PTPRE: variants seen among roughly 807,000 people sequenced by gnomAD.
PTPRE encodes the protein protein tyrosine phosphatase receptor type E.
In PTPRE, 51 loss-of-function variants were observed where a neutral mutation model predicts 102.0. The ratio of observed to expected loss-of-function variants is 0.50; its 90% CI spans 0.40 to 0.63. The LOEUF (loss-of-function observed/expected upper bound fraction) is 0.63. Ranked by LOEUF, PTPRE falls within the 30% of genes least tolerant of loss-of-function variation. The pLI, the probability that PTPRE is intolerant of heterozygous loss-of-function variation, is 0.00. For missense variants in PTPRE, 752 were observed against 915.1 expected, an observed-to-expected ratio of 0.82 and a Z score of 2.30; for synonymous variants, 345 against 348.2, an observed-to-expected ratio of 0.99 and a Z score of 0.10.
intron 2 of PTPRE, among the ~76,000 whole-genome samples, chr10:128,030,344 G>T (rs182211071): frequency 2.2e-4 from 34 of 152,270 alleles, no homozygotes; most frequent in Admixed American, 5.9e-4. Context: ...GGAAGCAGGC[G>T]CAGAGAGGTT....
At chr10:128,036,517 C>A (rs1278753734) in intron 2 of PTPRE, among the ~76,000 whole-genome samples, 1 of 152,156 alleles carries the variant, frequency 6.6e-6, no homozygotes, top group Non-Finnish European at 1.5e-5. Context: ...TAACTGGGAG[C>A]TTATATTATT....
chr10:128,012,522 G>T (rs1366277509), intron 2 of PTPRE, among the ~76,000 whole-genome samples: 1 of 152,186 alleles, frequency 6.6e-6, no homozygotes, highest in Non-Finnish European at 1.5e-5. Context: ...TTGGGAGAGA[G>T]GCTCATGCCA....
chr10:127,935,711 T>C (rs967010839), intron 1 of PTPRE, among the ~76,000 whole-genome samples: 3 of 152,048 alleles, frequency 2.0e-5, no homozygotes, highest in Non-Finnish European at 1.5e-5. Flanking sequence ...CTTTGAACAG[T>C]CCCTCCCTGA....
intron 2 of PTPRE, among the ~76,000 whole-genome samples, chr10:127,997,524 A>T (rs1206600365): frequency 1.3e-5 from 2 of 152,236 alleles, no homozygotes; most frequent in Non-Finnish European, 2.9e-5. Context: ...TGAAAAGCAG[A>T]ATCCTAACAT....
intron 2 of PTPRE, among the ~76,000 whole-genome samples, chr10:127,990,411 C>CAA (rs60034358): frequency 0.053 from 3,434 of 65,240 alleles, 104 homozygotes; most frequent in Non-Finnish European, 0.068. Context: ...GACTCCACCT[C>CAA]AAAAAAAAAA....
chr10:127,940,200 C>A (rs972243820), intron 1 of PTPRE, among the ~76,000 whole-genome samples: 7 of 152,062 alleles, frequency 4.6e-5, no homozygotes, highest in African/African-American at 1.5e-4. Flanking sequence ...GAGGTTCTTG[C>A]CCATCCTATA....
At chr10:127,989,064 T>G (rs10458714) in intron 2 of PTPRE, among the ~76,000 whole-genome samples, 2 of 152,200 alleles carry the variant, frequency 1.3e-5, no homozygotes, top group Non-Finnish European at 2.9e-5. Flanking sequence ...TTAAAAAATA[T>G]GTTGATAGTA....
intron 1 of PTPRE, among the ~76,000 whole-genome samples, chr10:127,921,210 C>G (rs370652777): frequency 2.0e-5 from 3 of 152,258 alleles, no homozygotes; most frequent in African/African-American, 4.8e-5. Context: ...AGATCCTGCT[C>G]TAAGCACTTG....
At position 128,069,498 on chromosome 10, in the gene PTPRE, T is replaced by C. The variant is rs1850571035; in HGVS notation, c.1008-194T>C. On this transcript the variant is annotated intron_variant, in intron 12 of 20. Coordinates refer to ENST00000254667, the MANE Select transcript of PTPRE (RefSeq NM_006504.6). ...CCTCTTAGTAGAGTGTCGGTGGCTA[T>C]CAGAGGACCGGCCTGAGATCACTTT... 3 of 659,286 alleles carry C rather than the reference T, an allele frequency of 4.6e-6. No homozygotes were observed. The Admixed American group carries it at 8.8e-5, about 19-fold the overall frequency. 40.8% of individuals were successfully genotyped at this position (659,286 alleles called of 1,614,324 possible).
chr10:127,989,534 AG>A (rs1278868946), intron 2 of PTPRE, among the ~76,000 whole-genome samples: 1 of 152,226 alleles, frequency 6.6e-6, no homozygotes, highest in Non-Finnish European at 1.5e-5. Flanking sequence ...AGTGAGTTGT[AG>A]GACAGTGGAA....
At chr10:127,972,446 G>A (rs1165947122) in intron 1 of PTPRE, among the ~76,000 whole-genome samples, 2 of 152,308 alleles carry the variant, frequency 1.3e-5, no homozygotes, top group East Asian at 1.9e-4. Context: ...TGTCTAGCAC[G>A]TGCCTCAAGG....
chr10:128,067,377 CAT>C (rs1470122294), intron 11 of PTPRE, among the ~76,000 whole-genome samples: 1 of 130,572 alleles, frequency 7.7e-6, no homozygotes, highest in African/African-American at 3.0e-5. Flanking sequence ...CACATGCACA[CAT>C]TCACACATGT....
chr10:127,970,859 G>A (rs1040821904), intron 1 of PTPRE, among the ~76,000 whole-genome samples: 15 of 151,690 alleles, frequency 9.9e-5, no homozygotes, highest in Admixed American at 4.6e-4. Context: ...CTGGGGAAGG[G>A]TCACTTCATT....
At chr10:128,055,421 T>A (rs1480376458) in intron 6 of PTPRE, among the ~76,000 whole-genome samples, 3 of 152,194 alleles carry the variant, frequency 2.0e-5, no homozygotes, top group African/African-American at 7.2e-5. Context: ...CTGACTTCCC[T>A]GACTGGGACA....
chr10:128,066,912 TCCCA>T (rs1850151203), intron 11 of PTPRE, among the ~76,000 whole-genome samples: 1 of 139,722 alleles, frequency 7.2e-6, no homozygotes, highest in Non-Finnish European at 1.6e-5. Context: ...ACACACATAC[TCCCA>T]CACACAGGCA....
intron 1 of PTPRE, among the ~76,000 whole-genome samples, chr10:127,917,205 G>A (rs1028779525): frequency 4.6e-5 from 7 of 150,822 alleles, no homozygotes; most frequent in African/African-American, 1.5e-4. Flanking sequence ...ATGATGGTGC[G>A]CCCAGGGTGT....
In PTPRE at chr10:127,936,773, G is replaced by A. The variant is rs545856010; in HGVS notation, c.-31+29464G>A. 2.0e-5 allele frequency among the ~76,000 whole-genome samples: 3 copies of A among 152,234 alleles called. No homozygotes were observed. The East Asian group carries it at 5.8e-4, about 29-fold the overall frequency. Reference sequence around the variant, plus strand: ...TTGGAGAGGCTGAAACCCGGGGCTCGTGGATGTTGTGACCCACCCCCCACC... The same window carrying A: ...TTGGAGAGGCTGAAACCCGGGGCTCATGGATGTTGTGACCCACCCCCCACC... On this transcript the variant is annotated intron_variant, in intron 1 of 20. Transcript: ENST00000254667.
chr10:128,070,894 C>T lies in PTPRE; in HGVS notation c.1380C>T (p.Ile460=). Reference sequence around the variant, plus strand: ...TGAAGAAGGCCAGGGTCATCCAGATCATCCCGTGTAAGGCACCCGTGGCGT... The same window carrying T: ...TGAAGAAGGCCAGGGTCATCCAGATTATCCCGTGTAAGGCACCCGTGGCGT... ...ANMKKARVIQ[I]IPYDFNRVIL... The change falls in exon 15 of 21, where the codon ATC becomes ATT. Residue 460 remains isoleucine (I), a synonymous_variant. Transcript: ENST00000254667. The surrounding 1 kb of genome is among the most constrained non-coding windows in gnomAD (Gnocchi z 4.8). The T allele has an allele frequency of 6.2e-7, 1 of 1,613,786 alleles. No homozygotes were observed.
Position 127,907,717 on chromosome 10 carries a change from C to T in PTPRE, c.-31+408C>T, listed in dbSNP as rs1845581961. Among the ~76,000 whole-genome samples the T allele has an allele frequency of 6.6e-6, 1 of 152,096 alleles. No individual in the cohort carries two copies. On this transcript the variant is annotated intron_variant, in intron 1 of 20. Transcript: ENST00000254667. This position sits in a 1 kb window ranked among gnomAD's most constrained non-coding sequence, Gnocchi z 4.8. ...CCGCGCGTGGGGGGCTGCGCCCACT[C>T]GAGGCTGGAGGCTGGAGCCTTTGAA...
Sources: allele counts gnomAD v4.1 joint callset (sites outside exome capture counted in the v4.1 genomes callset), GRCh38; gene constraint gnomAD v4.1.1; non-coding constraint Gnocchi (gnomAD v3.1); transcripts MANE v1.5; gene names NCBI Gene and HGNC (gene_info 2026-07-23, HGNC 2026-07-21).